The following PIK3R6 variants were observed in gnomAD, a reference collection of about 807,000 sequenced individuals.
PIK3R6 encodes phosphoinositide-3-kinase regulatory subunit 6, also known as phosphoinositide 3-kinase regulatory subunit 6.
A neutral mutation model predicts 84.9 loss-of-function variants in PIK3R6; 91 were observed. The observed-to-expected ratio is 1.07, with a 90% CI of 0.90 to 1.28. PIK3R6 has a LOEUF of 1.28. Ranked by LOEUF, PIK3R6 falls within the 50% of genes most tolerant of loss-of-function variation. The pLI is 0.00. For synonymous variants in PIK3R6, 416 were observed against 411.4 expected (o/e 1.01, Z -0.13); for missense variants, 996 against 985.1 (o/e 1.01, Z -0.15).
At chr17:8,826,175 G>C (rs2087908597) in intron 13 of PIK3R6, among the ~76,000 whole-genome samples, 1 of 152,170 alleles carries the variant, frequency 6.6e-6, no homozygotes. Flanking sequence ...CTACCAACAG[G>C]GGCACCTGCC....
chr17:8,860,566 G>A (rs920037468), intron 1 of PIK3R6, among the ~76,000 whole-genome samples: 2 of 151,770 alleles, frequency 1.3e-5, no homozygotes, highest in East Asian at 3.9e-4. Context: ...CACTGCTCTG[G>A]CCCATCAGTT....
chr17:8,842,772 G>C lies in PIK3R6; in HGVS notation c.14-3075C>G, dbSNP rs1425212016. Among the ~76,000 whole-genome samples the C allele has an allele frequency of 6.6e-6, 1 of 152,164 alleles. No homozygotes were observed. Among genetic ancestry groups the C allele is most frequent in the Non-Finnish European group, 1.5e-5 (1 of 68,036 alleles). Reference sequence around the variant, plus strand: ...AGCCTCAAAAATTAGCTCATCTCATGTGACAGGGATCTCTCTTCTTGGCTC... The same window carrying C: ...AGCCTCAAAAATTAGCTCATCTCATCTGACAGGGATCTCTCTTCTTGGCTC... On this transcript the variant is annotated intron_variant, in intron 2 of 19. Coordinates refer to ENST00000619866, the MANE Select transcript of PIK3R6 (RefSeq NM_001010855.4). The surrounding 1 kb of genome is among the most constrained non-coding windows in gnomAD (Gnocchi z 4.5).
rs1158967841 is a variant in PIK3R6, at chr17:8,853,506, T to A, written c.-91-3621A>T. Among the ~76,000 whole-genome samples the A allele has an allele frequency of 6.9e-3, 988 of 142,696 alleles. 8 individuals carry two copies. Among genetic ancestry groups the A allele is most frequent in the Admixed American group, 9.4e-3 (135 of 14,298 alleles). The allele number at this position is 142,696 out of a possible 152,430, so 93.6% of individuals were successfully genotyped here. A position where few individuals can be genotyped will look rare whatever the true frequency, so the allele number is the denominator to read the frequency against. On this transcript the variant is annotated intron_variant, in intron 1 of 19. Coordinates refer to ENST00000619866, the MANE Select transcript of PIK3R6 (RefSeq NM_001010855.4). ...TCTCAAAAAAAAAAAAAAATAATAA[T>A]AATAATAATAAAATAATAAATAAAT...
At chr17:8,855,402 A>T (rs750118590) in intron 1 of PIK3R6, among the ~76,000 whole-genome samples, 10 of 152,178 alleles carry the variant, frequency 6.6e-5, no homozygotes, top group Admixed American at 2.0e-4. Flanking sequence ...TGGGCAAAAG[A>T]TCTAAATAAA....
chr17:8,862,753 A>G lies in PIK3R6; in HGVS notation c.-92+4776T>C, dbSNP rs1425339619. On this transcript the variant is annotated intron_variant, in intron 1 of 19. Coordinates refer to ENST00000619866, the MANE Select transcript of PIK3R6 (RefSeq NM_001010855.4). This position sits in a 1 kb window ranked among gnomAD's most constrained non-coding sequence, Gnocchi z 4.3. The stretch of plus-strand genomic sequence containing the variant: ...TCCCCCCGTAGCGCAAGAATACGAC[A>G]TTACAGGACAGCAATACACCATCCT... 2.0e-5 allele frequency among the ~76,000 whole-genome samples: 3 copies of G among 152,126 alleles called. No homozygotes were observed. Among genetic ancestry groups the G allele is most frequent in the Non-Finnish European group, 4.4e-5 (3 of 68,032 alleles).
chr17:8,825,484 C>T (rs1250488438), intron 13 of PIK3R6, among the ~76,000 whole-genome samples: 4 of 152,134 alleles, frequency 2.6e-5, no homozygotes, highest in Non-Finnish European at 4.4e-5. Context: ...GTACTAAATA[C>T]TTACAAGCAC....
chr17:8,809,857 G>GT (rs1258569020), intron 18 of PIK3R6, among the ~76,000 whole-genome samples: 3 of 152,102 alleles, frequency 2.0e-5, no homozygotes, highest in Non-Finnish European at 4.4e-5. Context: ...ACAAGTAGGA[G>GT]TAGCTATACT....
rs1020017047 is a variant in PIK3R6 at position 8,803,564 on chromosome 17, A to T, written c.2109-135T>A. On this transcript the variant is annotated intron_variant, in intron 19 of 19. Coordinates refer to ENST00000619866, the MANE Select transcript of PIK3R6 (RefSeq NM_001010855.4). This position sits in a 1 kb window ranked among gnomAD's most constrained non-coding sequence, Gnocchi z 5.0. ...CATAGAGGAGGCGGCTACACAGAAG[A>T]AAGAGGAAGAGTCAGGACAAGAAAG... 34 of 879,254 alleles carry T rather than the reference A, an allele frequency of 3.9e-5. No individual in the cohort carries two copies. In the African/African-American group the frequency reaches 5.3e-4, roughly 14 times the overall value. The allele number at this position is 879,254 out of a possible 1,614,324, so 54.5% of individuals were successfully genotyped here.
intron 18 of PIK3R6, among the ~76,000 whole-genome samples, chr17:8,808,097 G>A (rs535280550): frequency 4.6e-5 from 7 of 152,276 alleles, no homozygotes; most frequent in Admixed American, 1.3e-4. Flanking sequence ...GTGAGGAAGA[G>A]GAGGCACCAG....
chr17:8,823,164 G>A (rs963100021), intron 14 of PIK3R6, 78 bp from the exon 15 acceptor site: 9 of 1,165,056 alleles, frequency 7.7e-6, no homozygotes, highest in African/African-American at 1.5e-5. Context: ...GGGATCCAGG[G>A]CCATGGAGAA....
At chr17:8,860,778 C>T (rs189761063) in intron 1 of PIK3R6, among the ~76,000 whole-genome samples, 32 of 152,294 alleles carry the variant, frequency 2.1e-4, no homozygotes, top group African/African-American at 7.0e-4. Flanking sequence ...GGGCCATGTG[C>T]TCCCCAGGGC....
At chr17:8,848,293 T>G (rs1264409737) in intron 2 of PIK3R6, among the ~76,000 whole-genome samples, 3 of 152,210 alleles carry the variant, frequency 2.0e-5, no homozygotes, top group Non-Finnish European at 4.4e-5. Context: ...GGTGCACCTC[T>G]TTTCCTAAAA....
chr17:8,839,547 C>A lies in PIK3R6; in HGVS notation c.97+67G>T. ...AGGCCGGGGCTCTTTCCTGTATGCG[C>A]GTGTATTGTTGGCTGGGGTTGGGTG... On this transcript the variant is annotated intron_variant, in intron 3 of 19. Coordinates refer to ENST00000619866, the MANE Select transcript of PIK3R6 (RefSeq NM_001010855.4). The surrounding 1 kb of genome is among the most constrained non-coding windows in gnomAD (Gnocchi z 4.2). 1 of 1,317,014 alleles carries A rather than the reference C, an allele frequency of 7.6e-7. No homozygotes were observed. Among genetic ancestry groups the A allele is most frequent in the Non-Finnish European group, 1.1e-6 (1 of 943,582 alleles). 81.6% of individuals were successfully genotyped at this position (1,317,014 alleles called of 1,614,324 possible).
chr17:8,857,668 G>A (rs2089173957), intron 1 of PIK3R6, among the ~76,000 whole-genome samples: 1 of 152,208 alleles, frequency 6.6e-6, no homozygotes, highest in Admixed American at 6.5e-5. Flanking sequence ...TTGGGAGGCT[G>A]AGGCAGGCGG....
chr17:8,809,746 A>G (rs2087300701), intron 18 of PIK3R6, among the ~76,000 whole-genome samples: 1 of 152,220 alleles, frequency 6.6e-6, no homozygotes, highest in Non-Finnish European at 1.5e-5. Context: ...TAAGAAAAAC[A>G]GGATCCAACT....
chr17:8,840,028 G>A (rs2088618792), intron 2 of PIK3R6, among the ~76,000 whole-genome samples: 1 of 151,704 alleles, frequency 6.6e-6, no homozygotes, highest in African/African-American at 2.4e-5. Context: ...ATACATGTAT[G>A]TATTTTCATA....
intron 18 of PIK3R6, among the ~76,000 whole-genome samples, chr17:8,804,645 C>T (rs139080326): frequency 1.6e-4 from 24 of 152,196 alleles, no homozygotes; most frequent in Admixed American, 1.0e-3. Context: ...CAGACCAAGC[C>T]GAAGGAAAGC....
intron 18 of PIK3R6, among the ~76,000 whole-genome samples, chr17:8,805,061 T>G (rs2087163158): frequency 6.6e-6 from 1 of 152,124 alleles, no homozygotes; most frequent in African/African-American, 2.4e-5. Context: ...TTCACACGTG[T>G]CCAGGCATTT....
At chr17:8,805,419 C>A (rs2087174701) in intron 18 of PIK3R6, among the ~76,000 whole-genome samples, 2 of 152,072 alleles carry the variant, frequency 1.3e-5, no homozygotes, top group South Asian at 4.1e-4. Flanking sequence ...GAAGGGGAAC[C>A]TACTGTGGGT....
Sources: gnomAD v4.1 joint callset for allele counts (sites outside exome capture counted in the v4.1 genomes callset) on GRCh38, gnomAD v4.1.1 for gene constraint, Gnocchi (gnomAD v3.1) non-coding constraint, MANE v1.5 for transcripts, NCBI Gene and HGNC (gene_info 2026-07-23, HGNC 2026-07-21) for gene names.